ATAD3B: variants seen among roughly 807,000 people sequenced by gnomAD.
ATAD3B encodes ATPase family AAA domain-containing protein 3B.
ATAD3B carries 59 observed loss-of-function variants against 70.2 expected under a neutral mutation model. The ratio of observed to expected loss-of-function variants is 0.84; its 90% CI spans 0.68 to 1.04. The LOEUF (loss-of-function observed/expected upper bound fraction) is 1.04. ATAD3B is among the 50% of genes least tolerant of loss of function. The pLI is 0.00. For missense variants in ATAD3B, 961 were observed against 913.4 expected (o/e 1.05, Z -0.67); for synonymous variants, 423 against 388.6 (o/e 1.09, Z -1.04).
intron 10 of ATAD3B, 66 bp from the exon 11 acceptor site, chr1:1,486,478 G>C: frequency 6.2e-7 from 1 of 1,611,346 alleles, no homozygotes; most frequent in South Asian, 1.1e-5. Flanking sequence ...ACTCCAGGTG[G>C]AGTGTGCAGG....
intron 14 of ATAD3B, 25 bp from the exon 15 acceptor site, chr1:1,490,538 C>T (rs1640485272): frequency 6.2e-7 from 1 of 1,611,374 alleles, no homozygotes; most frequent in South Asian, 1.1e-5. Context: ...GCCTTGGCTG[C>T]CTCACTTGGG....
chr1:1,494,351 GC>G (rs1640674208), intron 15 of ATAD3B, among the ~76,000 whole-genome samples: 3 of 151,948 alleles, frequency 2.0e-5, no homozygotes, highest in Admixed American at 6.6e-5. Flanking sequence ...GAGGGTCCCT[GC>G]ACCTGTTTGC....
At chr1:1,485,544 C>T (rs1219647421) in intron 8 of ATAD3B, among the ~76,000 whole-genome samples, 1 of 152,112 alleles carries the variant, frequency 6.6e-6, no homozygotes, top group African/African-American at 2.4e-5. Flanking sequence ...GCCTGCTCTC[C>T]ACAGGTCACT....
chr1:1,489,240 G>T lies in ATAD3B; in HGVS notation c.1303G>T (p.Ala435Ser). ...CAAGGACCTCAGAGCCACACTGAACGCCTTCCTGTACCACATGGGCCAACA... is the reference window on the plus strand; with the variant it reads ...CAAGGACCTCAGAGCCACACTGAACTCCTTCCTGTACCACATGGGCCAACA... Reference protein sequence around the residue: ...ISKDLRATLNAFLYHMGQHSN... With the variant: ...ISKDLRATLNSFLYHMGQHSN... The change falls in exon 13 of 16, where the codon GCC becomes TCC. Residue 435 changes from alanine (A) to serine (S), a missense_variant. This residue lies in a region of ATAD3B where 417 missense variants were observed against 335.0 expected (regional missense o/e 1.24). Coordinates refer to ENST00000673477, the MANE Select transcript of ATAD3B (RefSeq NM_031921.6). The T allele has an allele frequency of 6.2e-7, 1 of 1,613,584 alleles. No homozygotes were observed. Among genetic ancestry groups the T allele is most frequent in the Non-Finnish European group, 8.5e-7 (1 of 1,179,660 alleles).
chr1:1,480,698 G>C (rs1481019297), intron 4 of ATAD3B, among the ~76,000 whole-genome samples, 169 bp from the exon 5 acceptor site: 1 of 147,250 alleles, frequency 6.8e-6, no homozygotes, highest in Admixed American at 6.9e-5. Flanking sequence ...AGTGACTGCC[G>C]TCCCAGCCGA....
chr1:1,474,400 C>G (rs150852056), intron 1 of ATAD3B, among the ~76,000 whole-genome samples: 2 of 150,962 alleles, frequency 1.3e-5, no homozygotes, highest in African/African-American at 4.9e-5. Flanking sequence ...CCATGTTAGC[C>G]AGAATGGTCT....
the ATAD3B span, chr1:1,509,310 A>T: frequency 6.2e-7 from 1 of 1,612,322 alleles, no homozygotes; most frequent in Admixed American, 1.7e-5. Flanking sequence ...CTGGCTGAAG[A>T]GGGGGAGGCC....
the ATAD3B span, among the ~76,000 whole-genome samples, chr1:1,503,999 T>A: frequency 6.6e-6 from 1 of 152,090 alleles, no homozygotes; most frequent in East Asian, 1.9e-4. Context: ...TTTTATGTAT[T>A]TATTTTGAAA....
intron 9 of ATAD3B, 76 bp downstream of exon 9, chr1:1,485,914 G>A: frequency 6.2e-7 from 1 of 1,609,272 alleles, no homozygotes; most frequent in Non-Finnish European, 8.5e-7. Flanking sequence ...GCCCTTGCTA[G>A]CGCTCGTGGT....
the ATAD3B span, among the ~76,000 whole-genome samples, chr1:1,504,951 C>T: frequency 3.3e-5 from 5 of 151,712 alleles, no homozygotes; most frequent in East Asian, 1.9e-4. Context: ...TGTGTGTGTG[C>T]GCGCCAGGCA....
At chr1:1,472,315 A>G (rs1038119982) in intron 1 of ATAD3B, among the ~76,000 whole-genome samples, 2 of 151,922 alleles carry the variant, frequency 1.3e-5, no homozygotes, top group African/African-American at 2.4e-5. Flanking sequence ...AGGTGCGAAA[A>G]GCGGTGCGGA....
downstream of ATAD3B, among the ~76,000 whole-genome samples, chr1:1,499,365 T>A (rs1187173776): frequency 6.7e-6 from 1 of 148,898 alleles, no homozygotes; most frequent in African/African-American, 2.5e-5. Flanking sequence ...GCCTCCCAAG[T>A]AGCTGGGATT....
At chr1:1,490,768 G>A (rs1168963830) in intron 15 of ATAD3B, 97 bp downstream of exon 15, 3 of 1,512,356 alleles carry the variant, frequency 2.0e-6, no homozygotes, top group Admixed American at 2.1e-5. Flanking sequence ...TGTCATGTGG[G>A]AGCTTCTGTT....
At position 1,497,199 on chromosome 1, in the gene ATAD3B, GCT is replaced by G. The variant is rs1640822984; in HGVS notation, c.*1388_*1389del. On this transcript the variant is annotated 3_prime_UTR_variant, in exon 16 of 16. Transcript: ENST00000673477. ...TCCATTTCTCTCTCTACCTCTGCTCGCTCTCTCCATTTCTCTCTTTTTCCTTT... is the reference window on the plus strand; with the variant it reads ...TCCATTTCTCTCTCTACCTCTGCTCGCTCTCCATTTCTCTCTTTTTCCTTT... 6.6e-6 allele frequency: 1 copy of G among 151,028 alleles called. No individual in the cohort carries two copies. Among genetic ancestry groups the G allele is most frequent in the Admixed American group, 6.6e-5 (1 of 15,102 alleles). 9.4% of individuals were successfully genotyped at this position (151,028 alleles called of 1,614,324 possible). A position where few individuals can be genotyped will look rare whatever the true frequency, so the allele number is the denominator to read the frequency against.
downstream of ATAD3B, among the ~76,000 whole-genome samples, chr1:1,500,021 C>T (rs977787963): frequency 4.6e-5 from 7 of 151,568 alleles, no homozygotes; most frequent in Non-Finnish European, 1.0e-4. Flanking sequence ...CCTCAGCCTC[C>T]CAAGTAGCTG....
At chr1:1,500,929 C>A (rs530899087), downstream of ATAD3B, among the ~76,000 whole-genome samples, 28 of 152,130 alleles carry the variant, frequency 1.8e-4, 1 homozygote, top group South Asian at 5.6e-3. Context: ...TGCACTGCAG[C>A]CTGGGCGACA....
downstream of ATAD3B, among the ~76,000 whole-genome samples, chr1:1,498,108 G>C (rs1247532865): frequency 2.0e-5 from 3 of 151,600 alleles, no homozygotes; most frequent in Admixed American, 2.0e-4. Flanking sequence ...TTCGAGACCA[G>C]CCCGGCCAAT....
the ATAD3B span, among the ~76,000 whole-genome samples, chr1:1,507,427 G>C: frequency 6.6e-6 from 1 of 152,316 alleles, no homozygotes; most frequent in Admixed American, 6.5e-5. Context: ...AGTTGAGAGG[G>C]TCATGTGGTT....
rs957444439 is a variant in ATAD3B, at chr1:1,496,650, C to T, written c.*833C>T. On this transcript the variant is annotated 3_prime_UTR_variant, in exon 16 of 16. Transcript: ENST00000673477. The stretch of plus-strand genomic sequence containing the variant: ...ACAGTCCTGGCATGCCATGCAGCTC[C>T]CTGTCCCCAGAGGTCTGCTCAGATG... 2.0e-5 allele frequency: 3 copies of T among 151,702 alleles called. No homozygotes were observed. Among genetic ancestry groups the T allele is most frequent in the African/African-American group, 7.3e-5 (3 of 41,108 alleles). 9.4% of individuals were successfully genotyped at this position (151,702 alleles called of 1,614,324 possible). A position where few individuals can be genotyped will look rare whatever the true frequency, so the allele number is the denominator to read the frequency against.
Sources: gnomAD v4.1 joint callset for allele counts (sites outside exome capture counted in the v4.1 genomes callset) on GRCh38, gnomAD v4.1.1 for gene constraint, gnomAD v4.1.1 regional missense constraint, MANE v1.5 for transcripts, NCBI Gene and HGNC (gene_info 2026-07-23, HGNC 2026-07-21) for gene names.